Variants in TRPM3 observed in about 807,000 individuals in gnomAD.
TRPM3 encodes long transient receptor potential channel 3.
In TRPM3, 77 loss-of-function variants were observed where a neutral mutation model predicts 181.2. The observed-to-expected ratio is 0.42, with a 90% CI of 0.35 to 0.51. The LOEUF is 0.51. TRPM3 is among the 20% of genes least tolerant of loss of function. The pLI, the probability that TRPM3 is intolerant of heterozygous loss-of-function variation, is 0.01. For synonymous variants in TRPM3, 745 were observed against 796.4 expected (o/e 0.94, Z 1.09); for missense variants, 1,759 against 2,196.7 (o/e 0.80, Z 3.98).
intron 1 of TRPM3, among the ~76,000 whole-genome samples, chr9:71,417,321 T>G (rs1448799351): frequency 1.3e-5 from 2 of 152,038 alleles, no homozygotes; most frequent in African/African-American, 4.8e-5. Flanking sequence ...CAATCATTAA[T>G]TTTAGCCAAT....
chr9:71,123,631 T>G (rs1291130939), upstream of TRPM3, among the ~76,000 whole-genome samples: 2 of 152,192 alleles, frequency 1.3e-5, no homozygotes, highest in Non-Finnish European at 2.9e-5. Context: ...GCAAGACAAA[T>G]TAAAACTGAA....
rs535407200 is a variant in TRPM3 at position 71,363,428 on chromosome 9, G to C, written c.183+83225C>G. Among the ~76,000 whole-genome samples, 11 of 152,272 alleles carry C rather than the reference G, an allele frequency of 7.2e-5. No individual in the cohort carries two copies. In the East Asian group the frequency reaches 2.1e-3, roughly 29 times the overall value. The stretch of plus-strand genomic sequence containing the variant: ...ATTACCATTAAATAGCAGGGGTTAA[G>C]ATTGGAATTCAAGCCTTTATCATTC... On this transcript the variant is annotated intron_variant, in intron 1 of 24. Transcript: ENST00000357533.
chr9:71,277,529 G>C (rs1007243102), intron 1 of TRPM3, among the ~76,000 whole-genome samples: 2 of 152,082 alleles, frequency 1.3e-5, no homozygotes, highest in Non-Finnish European at 2.9e-5. Flanking sequence ...AATCAAAGGA[G>C]TCTAATTTTT....
At chr9:71,163,440 G>C (rs1321880536) in intron 1 of TRPM3, among the ~76,000 whole-genome samples, 2 of 152,138 alleles carry the variant, frequency 1.3e-5, no homozygotes, top group Non-Finnish European at 2.9e-5. Context: ...GACTGAGATA[G>C]AGTCATGCTT....
At chr9:71,168,527 T>TTA (rs71352346) in intron 1 of TRPM3, among the ~76,000 whole-genome samples, 10 of 142,928 alleles carry the variant, frequency 7.0e-5, no homozygotes, top group African/African-American at 2.3e-4. Flanking sequence ...TTTTTTTTTT[T>TTA]AAGGTGTGAT....
intron 22 of TRPM3, chr9:70,579,477 G>T (rs1180295238): frequency 1.3e-5 from 2 of 152,150 alleles, no homozygotes; most frequent in Non-Finnish European, 2.9e-5. Flanking sequence ...TAGATTTTTT[G>T]ATTTGGATGA....
At chr9:70,879,519 T>C (rs2095942651) in intron 1 of TRPM3, among the ~76,000 whole-genome samples, 2 of 152,034 alleles carry the variant, frequency 1.3e-5, no homozygotes, top group African/African-American at 4.8e-5. Context: ...TCCTGACTAA[T>C]AGCGTGCAGT....
chr9:70,955,603 C>T (rs981414359), intron 1 of TRPM3, among the ~76,000 whole-genome samples: 4 of 152,158 alleles, frequency 2.6e-5, no homozygotes, highest in Non-Finnish European at 5.9e-5. Context: ...TTCAAGGTCA[C>T]ATGGAAAATC....
At chr9:71,436,200 C>T (rs1166577113) in intron 1 of TRPM3, among the ~76,000 whole-genome samples, 1 of 151,970 alleles carries the variant, frequency 6.6e-6, no homozygotes, top group Non-Finnish European at 1.5e-5. Context: ...GTGCCTTTCG[C>T]ATCCTGCCTT....
chr9:71,026,860 G>A (rs1163431588), intron 1 of TRPM3, among the ~76,000 whole-genome samples: 3 of 152,204 alleles, frequency 2.0e-5, no homozygotes, highest in East Asian at 1.9e-4. Flanking sequence ...ACACACAGTC[G>A]CAGGTGGGGG....
At chr9:70,853,361 GCT>G (rs1358880480) in intron 3 of TRPM3, among the ~76,000 whole-genome samples, 3 of 152,126 alleles carry the variant, frequency 2.0e-5, no homozygotes, top group African/African-American at 7.2e-5. Context: ...AAAAATATAG[GCT>G]CTGATTCAAT....
At chr9:71,031,015 C>G (rs1308247861) in intron 1 of TRPM3, among the ~76,000 whole-genome samples, 1 of 152,018 alleles carries the variant, frequency 6.6e-6, no homozygotes, top group Admixed American at 6.6e-5. Flanking sequence ...ATATTTTAGC[C>G]TTTTCTAGAT....
intron 1 of TRPM3, among the ~76,000 whole-genome samples, chr9:70,935,715 C>T (rs2096822836): frequency 6.6e-6 from 1 of 152,078 alleles, no homozygotes; most frequent in African/African-American, 2.4e-5. Context: ...AAGTAGACAC[C>T]TAAATTTGTT....
intron 1 of TRPM3, among the ~76,000 whole-genome samples, chr9:70,975,130 T>A (rs11142655): frequency 0.3 from 44,801 of 151,818 alleles, 6,626 homozygotes; most frequent in East Asian, 0.37. Flanking sequence ...AGACTTTCAA[T>A]GTGCCGGGAT....
At chr9:71,073,640 A>C (rs1376080648) in intron 1 of TRPM3, among the ~76,000 whole-genome samples, 2 of 150,034 alleles carry the variant, frequency 1.3e-5, no homozygotes, top group African/African-American at 4.9e-5. Flanking sequence ...ATAGATTATC[A>C]ATAAAAAAAA....
At chr9:70,761,806 A>T (rs560212927) in intron 7 of TRPM3, 82 bp from the exon 8 acceptor site, 1 of 1,489,398 alleles carries the variant, frequency 6.7e-7, no homozygotes, top group South Asian at 1.4e-5. Context: ...GCTCAAGAGG[A>T]AATAATGAGG....
chr9:71,050,384 G>A (rs985808099), intron 1 of TRPM3, among the ~76,000 whole-genome samples: 1 of 152,046 alleles, frequency 6.6e-6, no homozygotes, highest in Non-Finnish European at 1.5e-5. Context: ...TTTAACTAAG[G>A]CAGAGATAAG....
intron 1 of TRPM3, among the ~76,000 whole-genome samples, chr9:71,167,898 CT>C (rs1587744632): frequency 6.6e-6 from 1 of 152,046 alleles, no homozygotes; most frequent in Admixed American, 6.6e-5. Context: ...ATAAAGAAAA[CT>C]GTAATTTTTG....
intron 1 of TRPM3, among the ~76,000 whole-genome samples, chr9:71,281,958 G>GCATGCCTGTAATCCT (rs2132198450): frequency 6.6e-6 from 1 of 152,238 alleles, no homozygotes; most frequent in African/African-American, 2.4e-5. Context: ...CTACTCGGGA[G>GCATGCCTGTAATCCT]GCTGAGGCAG....
Sources: gnomAD v4.1 joint callset for allele counts (sites outside exome capture counted in the v4.1 genomes callset) on GRCh38, gnomAD v4.1.1 for gene constraint, MANE v1.5 for transcripts, NCBI Gene and HGNC (gene_info 2026-07-23, HGNC 2026-07-21) for gene names.